Variants in PLEKHM3 observed in about 807,000 individuals in gnomAD.
PLEKHM3 encodes pleckstrin homology domain-containing family M member 3.
Under a neutral mutation model 81.8 loss-of-function variants are expected in PLEKHM3, and 45 were observed. The observed-to-expected ratio is 0.55, with a 90% CI of 0.43 to 0.71. The LOEUF (loss-of-function observed/expected upper bound fraction) is 0.71. PLEKHM3 is among the 30% of genes least tolerant of loss of function. The probability of loss-of-function intolerance (pLI) is 0.00; values close to 1 mark genes in which losing one functional copy is unlikely to be tolerated. For missense variants in PLEKHM3, 788 were observed against 924.3 expected (o/e 0.85, Z 1.91); for synonymous variants, 352 against 356.4 (o/e 0.99, Z 0.14).
In PLEKHM3 at chr2:207,841,753, A is replaced by G. The variant is rs148173467; in HGVS notation, c.2109-13257T>C. Among the ~76,000 whole-genome samples, 408 of 151,760 alleles carry G rather than the reference A, an allele frequency of 2.7e-3. 2 individuals are homozygous for G. The highest frequency in any genetic ancestry group is 9.5e-3 in the African/African-American group (392 of 41,402). On this transcript the variant is annotated intron_variant, in intron 7 of 7. Coordinates refer to ENST00000427836, the MANE Select transcript of PLEKHM3 (RefSeq NM_001080475.3). ...CCATATTACTTGGGTCTATTTCCAT[A>G]CTTTCTGAATCTTTTTGACTCTTGT... is the stretch of plus-strand genomic sequence containing the variant.
At position 207,977,288 on chromosome 2, in the gene PLEKHM3, A is replaced by G; in HGVS notation, c.909T>C (p.Leu303=). The G allele has an allele frequency of 6.2e-7, 1 of 1,614,090 alleles. No individual in the cohort carries two copies. Among genetic ancestry groups the G allele is most frequent in the Non-Finnish European group, 8.5e-7 (1 of 1,180,004 alleles). The change falls in exon 3 of 8, where the codon CTT becomes CTC. Residue 303 remains leucine, a synonymous_variant. Transcript: ENST00000427836. ...GCACAGCAGCATGCACTACTTCCCAAAGCTTCTGTCCCCAGTCCAAAGCCT... is the reference window on the plus strand; with the variant it reads ...GCACAGCAGCATGCACTACTTCCCAGAGCTTCTGTCCCCAGTCCAAAGCCT... ...PWEALDWGQK[L]WEVVHAAVPG...
intron 3 of PLEKHM3, among the ~76,000 whole-genome samples, chr2:207,975,548 G>A (rs1691275543): frequency 7.3e-6 from 1 of 137,262 alleles, no homozygotes; most frequent in South Asian, 2.6e-4. Flanking sequence ...GTTTATAACA[G>A]ATATCTAGAT....
intron 7 of PLEKHM3, chr2:207,851,423 A>G (rs1462779205): frequency 1.3e-5 from 2 of 152,038 alleles, no homozygotes; most frequent in African/African-American, 2.4e-5. Flanking sequence ...TATTTAGGTT[A>G]AAGAGAGGTA....
At chr2:207,972,839 A>G (rs1220542362) in intron 3 of PLEKHM3, among the ~76,000 whole-genome samples, 1 of 152,138 alleles carries the variant, frequency 6.6e-6, no homozygotes, top group African/African-American at 2.4e-5. Flanking sequence ...GGATATAGAA[A>G]ATTCTTCACT....
At chr2:207,945,698 T>TTGAGACCAGCCTGGGGAACATGG (rs1690100537) in intron 4 of PLEKHM3, among the ~76,000 whole-genome samples, 1 of 152,180 alleles carries the variant, frequency 6.6e-6, no homozygotes, top group Non-Finnish European at 1.5e-5. Context: ...GGTCACGAGT[T>TTGAGACCAGCCTGGGGAACATGG]TGAGACCAGC....
intron 6 of PLEKHM3, chr2:207,900,423 T>C (rs773598059): frequency 6.6e-6 from 1 of 152,224 alleles, no homozygotes; most frequent in Non-Finnish European, 1.5e-5. Context: ...ATCACTTCCA[T>C]AGTCACAGAC....
intron 1 of PLEKHM3, among the ~76,000 whole-genome samples, chr2:208,017,016 A>G (rs1271962911): frequency 2.0e-5 from 3 of 152,206 alleles, no homozygotes; most frequent in Admixed American, 1.3e-4. Flanking sequence ...GTTACTTACA[A>G]TATCTATTAC....
At chr2:207,977,904 T>C (rs9679132) in intron 2 of PLEKHM3, among the ~76,000 whole-genome samples, 98,396 of 151,868 alleles carry the variant, frequency 0.65, 32,909 homozygotes, top group Non-Finnish European at 0.73. Flanking sequence ...CTAGGCAACA[T>C]AGTGAGAGCC....
At chr2:207,924,173 G>A (rs950669801) in intron 5 of PLEKHM3, among the ~76,000 whole-genome samples, 4 of 151,290 alleles carry the variant, frequency 2.6e-5, no homozygotes, top group Non-Finnish European at 4.4e-5. Flanking sequence ...CCAAAGTGCT[G>A]GGATTACAAG....
In PLEKHM3 at chr2:207,853,246, C is replaced by T. The variant is rs534372642; in HGVS notation, c.2108+7859G>A. 8.6e-5 allele frequency among the ~76,000 whole-genome samples: 13 copies of T among 151,562 alleles called. No homozygotes were observed. The East Asian group carries it at 1.6e-3, about 18-fold the overall frequency. On this transcript the variant is annotated intron_variant, in intron 7 of 7. Transcript: ENST00000427836. ...CAGCCTGACCAACATGGTGAAACCC[C>T]GTCTCTACTAAAAATACAAAATTAG...
chr2:208,004,374 C>T lies in PLEKHM3; in HGVS notation c.-318-2417G>A, dbSNP rs185493442. Among the ~76,000 whole-genome samples, 62 of 151,248 alleles carry T rather than the reference C, an allele frequency of 4.1e-4. 1 individual carries two copies. The East Asian group carries it at 4.7e-3, about 11-fold the overall frequency. ...CGGAGGTTGCAGTGAGCTGAGATCA[C>T]GCCACTGCACTCCAGCCTGGGCAAC... On this transcript the variant is annotated intron_variant, in intron 1 of 7. Transcript: ENST00000427836.
At chr2:207,865,530 C>A (rs2092490851) in intron 6 of PLEKHM3, among the ~76,000 whole-genome samples, 1 of 151,802 alleles carries the variant, frequency 6.6e-6, no homozygotes, top group South Asian at 2.1e-4. Flanking sequence ...GTAATCCCAG[C>A]ACTTTGGGAG....
chr2:207,911,755 G>C (rs75299744), intron 5 of PLEKHM3, among the ~76,000 whole-genome samples: 1,527 of 152,276 alleles, frequency 0.01, 24 homozygotes, highest in African/African-American at 0.035. Flanking sequence ...TCCAGTAAGC[G>C]GGCTGCAAAA....
At chr2:208,004,820 T>C (rs559198762) in intron 1 of PLEKHM3, among the ~76,000 whole-genome samples, 27 of 152,138 alleles carry the variant, frequency 1.8e-4, no homozygotes, top group Non-Finnish European at 2.8e-4. Context: ...TTTAAAACAG[T>C]TTTTTGTTTG....
chr2:207,963,778 A>G (rs1305683376), intron 3 of PLEKHM3, among the ~76,000 whole-genome samples: 1 of 152,236 alleles, frequency 6.6e-6, no homozygotes, highest in African/African-American at 2.4e-5. Context: ...CCAGAATGTA[A>G]AGAAAACATG....
chr2:207,914,680 T>A (rs1304587125), intron 5 of PLEKHM3, among the ~76,000 whole-genome samples: 21 of 98,136 alleles, frequency 2.1e-4, no homozygotes, highest in African/African-American at 1.5e-3. Flanking sequence ...AGACCCTGTG[T>A]CAAAAAAAAA....
intron 1 of PLEKHM3, among the ~76,000 whole-genome samples, chr2:208,024,830 C>T (rs1693270935): frequency 6.6e-6 from 1 of 152,208 alleles, no homozygotes; most frequent in South Asian, 2.1e-4. Context: ...CCAGACCAGT[C>T]TCAATTTGTC....
chr2:207,993,378 C>A (rs1267157337), intron 2 of PLEKHM3, among the ~76,000 whole-genome samples: 1 of 152,096 alleles, frequency 6.6e-6, no homozygotes. Flanking sequence ...AGCAAGAGAC[C>A]ATGTCCTGGT....
At chr2:207,993,449 A>G (rs1306147324) in intron 2 of PLEKHM3, among the ~76,000 whole-genome samples, 1 of 151,770 alleles carries the variant, frequency 6.6e-6, no homozygotes, top group Non-Finnish European at 1.5e-5. Flanking sequence ...AAGGCTTTTG[A>G]GAAACATCAT....
Sources: gnomAD v4.1 joint callset for allele counts (sites outside exome capture counted in the v4.1 genomes callset) on GRCh38, gnomAD v4.1.1 for gene constraint, MANE v1.5 for transcripts, NCBI Gene and HGNC (gene_info 2026-07-23, HGNC 2026-07-21) for gene names.